PRCP: variants seen among roughly 807,000 people sequenced by gnomAD.
PRCP encodes lysosomal Pro-X carboxypeptidase.
A neutral mutation model predicts 54.2 loss-of-function variants in PRCP; 46 were observed. The ratio of observed to expected loss-of-function variants is 0.85; its 90% confidence interval spans 0.67 to 1.09. The LOEUF (loss-of-function observed/expected upper bound fraction) is 1.09. Among genes scored for constraint, PRCP ranks in the 50% least tolerant of loss-of-function variants. The probability of loss-of-function intolerance (pLI) is 0.00; values close to 1 mark genes in which losing one functional copy is unlikely to be tolerated. For missense variants in PRCP, 613 were observed against 596.8 expected (o/e 1.03, Z -0.28); for synonymous variants, 240 against 212.2 (o/e 1.13, Z -1.14).
At chr11:82,873,215 G>A (rs149789487) in intron 1 of PRCP, among the ~76,000 whole-genome samples, 98 of 152,244 alleles carry the variant, frequency 6.4e-4, no homozygotes, top group African/African-American at 2.4e-3. Context: ...ATATGACAAT[G>A]TTTAATCTCC....
rs1326726923 is a variant in PRCP, at chr11:82,823,436, A to G, written c.*1470T>C. ...GACAACTCATTACAATGAGAACTGAAGGCTCCCAAAATAAGACAAAGATTT... is the reference window on the plus strand; with the variant it reads ...GACAACTCATTACAATGAGAACTGAGGGCTCCCAAAATAAGACAAAGATTT... On this transcript the variant is annotated 3_prime_UTR_variant, in exon 9 of 9. Transcript: ENST00000313010. The G allele has an allele frequency of 1.3e-5, 2 of 152,176 alleles. No homozygotes were observed. The highest frequency in any genetic ancestry group is 2.9e-5 in the Non-Finnish European group (2 of 68,028). 9.4% of individuals were successfully genotyped at this position (152,176 alleles called of 1,614,324 possible).
At chr11:82,853,336 A>G in intron 2 of PRCP, 58 bp from the exon 3 acceptor site, 2 of 1,441,406 alleles carry the variant, frequency 1.4e-6, no homozygotes, top group South Asian at 2.4e-5. Flanking sequence ...AAGTCACTGA[A>G]CCTTTTGGCA....
chr11:82,828,634 T>G (rs1858302327), intron 8 of PRCP: 1 of 152,182 alleles, frequency 6.6e-6, no homozygotes, highest in Non-Finnish European at 1.5e-5. Context: ...GCCCACATTA[T>G]CAAATACATG....
chr11:82,839,692 T>C (rs1295808426), intron 6 of PRCP: 1 of 397,504 alleles, frequency 2.5e-6, no homozygotes, highest in Non-Finnish European at 4.5e-6. Context: ...TCCTCTTTGC[T>C]GCCTTTGCTC....
chr11:82,842,066 T>G (rs1278202313), intron 6 of PRCP, among the ~76,000 whole-genome samples: 2 of 151,670 alleles, frequency 1.3e-5, no homozygotes, highest in Admixed American at 6.6e-5. Flanking sequence ...GGAGAGGAGG[T>G]AGTGATGTGC....
Position 82,853,231 on chromosome 11 carries a change from A to C in PRCP, c.357T>G (p.Phe119Leu). Residue 119 changes from phenylalanine (F) to leucine (L), a missense_variant, in exon 3 of 9, where the codon TTT becomes TTG. Transcript: ENST00000313010. ...ACTCTCCATAGTATCGATGTTCAGC[A>C]AACACCAACATAGCTTTCAGTTCCT... ...VAEELKAMLV[F>L]AEHRYYGESL... The C allele has an allele frequency of 6.2e-7, 1 of 1,613,428 alleles. No individual in the cohort carries two copies. Among genetic ancestry groups the C allele is most frequent in the Non-Finnish European group, 8.5e-7 (1 of 1,179,550 alleles).
chr11:82,873,202 C>T lies in PRCP; in HGVS notation c.169-13085G>A, dbSNP rs117113452. On this transcript the variant is annotated intron_variant, in intron 1 of 8. Transcript: ENST00000313010. The stretch of plus-strand genomic sequence containing the variant: ...CTCTCTTAAATTGCTACATATTTAA[C>T]ATATATGACAATGTTTAATCTCCAA... Among the ~76,000 whole-genome samples the T allele has an allele frequency of 3.4e-4, 51 of 152,144 alleles. No homozygotes were observed. In the East Asian group the frequency reaches 8.9e-3, roughly 27 times the overall value.
chr11:82,869,989 T>G (rs11233357), intron 1 of PRCP, among the ~76,000 whole-genome samples: 19,869 of 152,230 alleles, frequency 0.13, 1,360 homozygotes, highest in Middle Eastern at 0.19. Flanking sequence ...ACAAATAATA[T>G]GGACAGAAGG....
chr11:82,892,204 A>G (rs1213347235), intron 1 of PRCP, among the ~76,000 whole-genome samples: 1 of 152,230 alleles, frequency 6.6e-6, no homozygotes, highest in Admixed American at 6.5e-5. Context: ...GATAAAAAAC[A>G]TGACTCACAA....
rs541218941 is a variant in PRCP at position 82,853,513 on chromosome 11, C to T, written c.310-235G>A. Among the ~76,000 whole-genome samples, 4 of 152,310 alleles carry T rather than the reference C, an allele frequency of 2.6e-5. No individual in the cohort carries two copies. In the South Asian group the frequency reaches 8.3e-4, roughly 32 times the overall value. ...AAAATAATCCCAGGTTGCTCATCCA[C>T]TAGTCATCCACGTCTTTTTATCCTG... On this transcript the variant is annotated intron_variant, in intron 2 of 8. Transcript: ENST00000313010.
chr11:82,838,315 T>C (rs1373031149), intron 8 of PRCP, 72 bp downstream of exon 8: 13 of 1,389,706 alleles, frequency 9.4e-6, no homozygotes, highest in Admixed American at 4.0e-5. Context: ...AGCATTTCCC[T>C]GGTTCTGTTT....
At chr11:82,847,738 A>G (rs1465960844) in intron 6 of PRCP, among the ~76,000 whole-genome samples, 1 of 152,096 alleles carries the variant, frequency 6.6e-6, no homozygotes, top group Admixed American at 6.6e-5. Flanking sequence ...AACTACAGGC[A>G]GGCACCCCTA....
chr11:82,870,029 C>T (rs1243100188), intron 1 of PRCP, among the ~76,000 whole-genome samples: 1 of 152,190 alleles, frequency 6.6e-6, no homozygotes, highest in Non-Finnish European at 1.5e-5. Flanking sequence ...AGGAGAAGGA[C>T]TAATCAGCAT....
chr11:82,825,393 T>C (rs1858202735), intron 8 of PRCP: 1 of 353,464 alleles, frequency 2.8e-6, no homozygotes, highest in East Asian at 6.4e-5. Flanking sequence ...ATATGAAATT[T>C]AGAAACCTGA....
intron 6 of PRCP, among the ~76,000 whole-genome samples, chr11:82,843,655 G>A (rs955777082): frequency 1.3e-5 from 2 of 152,062 alleles, no homozygotes; most frequent in Non-Finnish European, 2.9e-5. Context: ...CCTAGCAAAC[G>A]GCTTCTTCTA....
intron 1 of PRCP, among the ~76,000 whole-genome samples, chr11:82,869,202 A>C (rs1279176644): frequency 1.3e-5 from 2 of 151,908 alleles, no homozygotes; most frequent in Non-Finnish European, 2.9e-5. Context: ...CAAAAAATAA[A>C]AATATTAGCC....
chr11:82,866,598 G>A (rs1859342050), intron 1 of PRCP, among the ~76,000 whole-genome samples: 1 of 152,102 alleles, frequency 6.6e-6, no homozygotes, highest in Non-Finnish European at 1.5e-5. Context: ...AAGTGATAAT[G>A]GGAGAGTCCA....
intron 6 of PRCP, among the ~76,000 whole-genome samples, chr11:82,847,012 T>C (rs937514714): frequency 2.0e-5 from 3 of 152,270 alleles, no homozygotes; most frequent in Admixed American, 2.0e-4. Flanking sequence ...CAATTGTTTA[T>C]GTATTACCTA....
intron 6 of PRCP, chr11:82,843,414 AT>A (rs1443993924): frequency 6.6e-6 from 1 of 152,238 alleles, no homozygotes; most frequent in Non-Finnish European, 1.5e-5. Context: ...ACCATATGAA[AT>A]TCTCACATTT....
Sources: allele counts gnomAD v4.1 joint callset (sites outside exome capture counted in the v4.1 genomes callset), GRCh38; gene constraint gnomAD v4.1.1; transcripts MANE v1.5; gene names NCBI Gene and HGNC (gene_info 2026-07-23, HGNC 2026-07-21).